Variants in RSF1 observed in about 807,000 individuals in gnomAD.
The protein encoded by RSF1 is remodeling and spacing factor 1.
Under a neutral mutation model 145.2 loss-of-function variants are expected in RSF1, and 13 were observed. The ratio of observed to expected loss-of-function variants is 0.09; its 90% CI spans 0.06 to 0.14. The LOEUF is 0.14. Ranked by LOEUF, RSF1 falls within the 10% of genes least tolerant of loss-of-function variation. The pLI, the probability that RSF1 is intolerant of heterozygous loss-of-function variation, is 1.00. For missense variants in RSF1, 1,517 were observed against 1,718.2 expected (o/e 0.88, Z 2.07); for synonymous variants, 577 against 592.6 (o/e 0.97, Z 0.38).
At chr11:77,718,736 C>T (rs1960875917) in intron 5 of RSF1, among the ~76,000 whole-genome samples, 1 of 152,194 alleles carries the variant, frequency 6.6e-6, no homozygotes, top group African/African-American at 2.4e-5. Flanking sequence ...AAAGAGCCCT[C>T]ATCAGAAATC....
intron 1 of RSF1, among the ~76,000 whole-genome samples, chr11:77,774,678 G>A (rs987681397): frequency 6.6e-6 from 1 of 151,344 alleles, no homozygotes; most frequent in African/African-American, 2.4e-5. Context: ...TGTAATCCCA[G>A]TACTTTGGAA....
intron 1 of RSF1, among the ~76,000 whole-genome samples, chr11:77,791,616 C>T (rs1948518182): frequency 6.6e-6 from 1 of 152,144 alleles, no homozygotes. Context: ...GAATGTTTTG[C>T]TGCTTAGAAA....
At chr11:77,792,906 C>A (rs148457508) in intron 1 of RSF1, among the ~76,000 whole-genome samples, 1 of 151,986 alleles carries the variant, frequency 6.6e-6, no homozygotes, top group Non-Finnish European at 1.5e-5. Context: ...AGTACTAAAC[C>A]TGGAAGTCAA....
intron 1 of RSF1, among the ~76,000 whole-genome samples, chr11:77,776,202 G>C (rs1033070402): frequency 6.6e-6 from 1 of 152,068 alleles, no homozygotes; most frequent in Non-Finnish European, 1.5e-5. Flanking sequence ...GCCAAAGTGA[G>C]ACCCTGTATC....
Position 77,683,816 on chromosome 11 carries a change from G to A in RSF1, c.2959C>T (p.Pro987Ser), listed in dbSNP as rs764776741. The A allele has an allele frequency of 6.2e-7, 1 of 1,607,224 alleles. No homozygotes were observed. The highest frequency in any genetic ancestry group is 8.5e-7 in the Non-Finnish European group (1 of 1,177,136). Reference protein sequence around the residue: ...SIENIIPPQEPDFSEDQEEKK... With the variant: ...SIENIIPPQESDFSEDQEEKK... The stretch of plus-strand genomic sequence containing the variant: ...TCTTCTTGATCTTCAGAAAAGTCTG[G>A]CTCCTTAAAAAATATGATAATAAGC... Residue 987 changes from proline to serine, a missense_variant, in exon 11 of 16, where the codon CCA becomes TCA. By Grantham distance (74) the Pro-to-Ser change is moderately conservative. This residue lies in a region of RSF1 where 231 missense variants were observed against 276.6 expected (regional missense o/e 0.84). Coordinates refer to ENST00000308488, the MANE Select transcript of RSF1 (RefSeq NM_016578.4).
intron 2 of RSF1, chr11:77,762,027 C>CTTTTTTTTTTTTTTTTTTTTTTT (rs781501235): frequency 1.7e-5 from 1 of 58,748 alleles, no homozygotes; most frequent in African/African-American, 7.8e-5. Context: ...CTTTTCTTTT[C>CTTTTTTTTTTTTTTTTTTTTTTT]TTTTTTTTTT....
the RSF1 span, among the ~76,000 whole-genome samples, chr11:77,862,267 G>A: frequency 2.1e-4 from 32 of 152,080 alleles, no homozygotes; most frequent in Admixed American, 6.6e-4. Flanking sequence ...CCAAACTCTC[G>A]GGCTGCAGTT....
intron 1 of RSF1, among the ~76,000 whole-genome samples, chr11:77,790,331 T>C (rs1590888842): frequency 6.6e-6 from 1 of 152,228 alleles, no homozygotes. Flanking sequence ...TTAGTTATTA[T>C]CATGAGGACA....
In RSF1 at chr11:77,735,180, G is replaced by A. The variant is rs952656619; in HGVS notation, c.578+5551C>T. 5.3e-5 allele frequency among the ~76,000 whole-genome samples: 8 copies of A among 152,310 alleles called. 1 individual carries two copies. The South Asian group carries it at 1.5e-3, about 28-fold the overall frequency. On this transcript the variant is annotated intron_variant, in intron 4 of 15. Coordinates refer to ENST00000308488, the MANE Select transcript of RSF1 (RefSeq NM_016578.4). ...GGGTGGGGGACGAGCACCGGGTTCC[G>A]TCCAAGCACTGTTGAAGCAGGAAAC... is the stretch of plus-strand genomic sequence containing the variant.
At chr11:77,800,620 A>G (rs1334892480) in intron 1 of RSF1, among the ~76,000 whole-genome samples, 1 of 152,182 alleles carries the variant, frequency 6.6e-6, no homozygotes, top group East Asian at 1.9e-4. Flanking sequence ...CTGTCATCTC[A>G]GCACTTTGGA....
the RSF1 span, among the ~76,000 whole-genome samples, chr11:77,838,845 T>A: frequency 3.0e-4 from 45 of 152,030 alleles, no homozygotes; most frequent in Admixed American, 2.9e-3. Context: ...CTCAATCTCC[T>A]GACCTCGTGA....
At chr11:77,761,333 T>C (rs561010421) in intron 2 of RSF1, among the ~76,000 whole-genome samples, 2 of 152,320 alleles carry the variant, frequency 1.3e-5, no homozygotes, top group East Asian at 3.9e-4. Context: ...TTTGCTTTCA[T>C]TTTTTAACAT....
At chr11:77,735,931 G>GT (rs1003048445) in intron 4 of RSF1, among the ~76,000 whole-genome samples, 1 of 152,164 alleles carries the variant, frequency 6.6e-6, no homozygotes, top group African/African-American at 2.4e-5. Flanking sequence ...TAGAGACGGA[G>GT]TTTCACCATG....
At chr11:77,840,756 A>G in the RSF1 span, among the ~76,000 whole-genome samples, 1 of 151,976 alleles carries the variant, frequency 6.6e-6, no homozygotes, top group Non-Finnish European at 1.5e-5. Flanking sequence ...GTTTTTGTTT[A>G]TTTGCATGCC....
At chr11:77,713,536 C>T (rs940195621) in intron 5 of RSF1, among the ~76,000 whole-genome samples, 3 of 152,208 alleles carry the variant, frequency 2.0e-5, no homozygotes, top group Non-Finnish European at 4.4e-5. Flanking sequence ...ATGGTCTGCA[C>T]TGAGTTTCCA....
chr11:77,752,803 T>A lies in RSF1; in HGVS notation c.280-5675A>T, dbSNP rs550590846. On this transcript the variant is annotated intron_variant, in intron 2 of 15. Coordinates refer to ENST00000308488, the MANE Select transcript of RSF1 (RefSeq NM_016578.4). ...TCCCAGGAGGTTAAAGCATTCTAAG[T>A]CACAGGATGAGATAGGAAGTCGGCA... Among the ~76,000 whole-genome samples the A allele has an allele frequency of 3.3e-5, 5 of 152,044 alleles. No homozygotes were observed. In the East Asian group the frequency reaches 9.7e-4, roughly 29 times the overall value.
In RSF1 at chr11:77,678,133, G is replaced by A; in HGVS notation, c.3086C>T (p.Ala1029Val). 1 of 1,606,758 alleles carries A rather than the reference G, an allele frequency of 6.2e-7. No individual in the cohort carries two copies. Among genetic ancestry groups the A allele is most frequent in the Non-Finnish European group, 8.5e-7 (1 of 1,176,904 alleles). ...ISYRFDEFDE[A>V]IDEAIEDDIK... ...GTCATCTTCAATAGCTTCATCAATT[G>A]CTTCATCAAACTCATCAAATCTAAA... Residue 1029 changes from alanine to valine, a missense_variant, in exon 12 of 16, where the codon GCA becomes GTA. Physicochemically the swap from Ala to Val is moderately conservative, Grantham distance 64. This residue lies in a region of RSF1 where 231 missense variants were observed against 276.6 expected (regional missense o/e 0.84). Coordinates refer to ENST00000308488, the MANE Select transcript of RSF1 (RefSeq NM_016578.4).
chr11:77,688,097 C>T (rs988416478), intron 9 of RSF1, among the ~76,000 whole-genome samples: 8 of 152,110 alleles, frequency 5.3e-5, no homozygotes, highest in Non-Finnish European at 1.0e-4. Flanking sequence ...TCAAGACCAG[C>T]CTGGCCAACA....
chr11:77,869,705 T>C, the RSF1 span: 1 of 1,612,088 alleles, frequency 6.2e-7, no homozygotes, highest in South Asian at 1.1e-5. Context: ...CTGTCTACTT[T>C]CTCTTTCCAC....
Sources: gnomAD v4.1 joint callset for allele counts (sites outside exome capture counted in the v4.1 genomes callset) on GRCh38, gnomAD v4.1.1 for gene constraint, gnomAD v4.1.1 regional missense constraint, MANE v1.5 for transcripts, NCBI Gene and HGNC (gene_info 2026-07-23, HGNC 2026-07-21) for gene names.